Variants in LAMA3 observed in about 807,000 individuals in gnomAD.
LAMA3 encodes the protein laminin subunit alpha-3.
LAMA3 carries 281 observed loss-of-function variants against 402.0 expected under a neutral mutation model. The observed-to-expected ratio is 0.70, with a 90% CI of 0.63 to 0.77. LAMA3 has a LOEUF of 0.77. LAMA3 is among the 30% of genes least tolerant of loss of function. The pLI, the probability that LAMA3 is intolerant of heterozygous loss-of-function variation, is 0.00. For missense variants in LAMA3, 3,840 were observed against 4,215.5 expected (o/e 0.91, Z 2.47); for synonymous variants, 1,431 against 1,558.4 (o/e 0.92, Z 1.93).
Position 23,914,464 on chromosome 18 carries a change from T to C in LAMA3, c.7384T>C (p.Tyr2462His). The C allele has an allele frequency of 1.2e-6, 2 of 1,614,114 alleles. No individual in the cohort carries two copies. Among genetic ancestry groups the C allele is most frequent in the Non-Finnish European group, 1.7e-6 (2 of 1,180,004 alleles). The change falls in exon 57 of 75, where the codon TAC (tyrosine) becomes CAC (histidine). Residue 2462 changes from tyrosine (Y) to histidine (H), a missense_variant. By Grantham distance (83) the Tyr-to-His change is moderately conservative. Coordinates refer to ENST00000313654, the MANE Select transcript of LAMA3 (RefSeq NM_198129.4). ...AVVDGQLTCV[Y>H]NLGDREAELQ... ...TGTGGATGGCCAGCTCACCTGTGTCTACAACCTGGGGGACCGTGAGGCTGA... is the reference window on the plus strand; with the variant it reads ...TGTGGATGGCCAGCTCACCTGTGTCCACAACCTGGGGGACCGTGAGGCTGA...
At chr18:23,924,183 G>A (rs1484713820) in intron 62 of LAMA3, among the ~76,000 whole-genome samples, 1 of 152,028 alleles carries the variant, frequency 6.6e-6, no homozygotes, top group Non-Finnish European at 1.5e-5. Flanking sequence ...CAAGAGTCTT[G>A]CTCTGTCACC....
chr18:23,943,748 G>T, intron 68 of LAMA3, 40 bp from the exon 69 acceptor site: 1 of 1,599,126 alleles, frequency 6.3e-7, no homozygotes, highest in Non-Finnish European at 8.6e-7. Context: ...AAGGAACGCT[G>T]AACACCTCTA....
intron 44 of LAMA3, 102 bp downstream of exon 44, chr18:23,895,160 G>C: frequency 7.5e-7 from 1 of 1,335,092 alleles, no homozygotes; most frequent in Non-Finnish European, 1.0e-6. Context: ...GAAAGGCTCA[G>C]GGGTTGTCCT....
rs1222606393 is a variant in LAMA3 at position 23,879,679 on chromosome 18, TA to T, written c.5113-2253del. On this transcript the variant is annotated intron_variant, in intron 39 of 74. Coordinates refer to ENST00000313654, the MANE Select transcript of LAMA3 (RefSeq NM_198129.4). The surrounding 1 kb of genome is among the most constrained non-coding windows in gnomAD (Gnocchi z 4.2). ...CATTCGTTCATTTATTTATTCACAG[TA>T]AAACACAAGGAACCTGAAGGGAGGT... 2.0e-5 allele frequency among the ~76,000 whole-genome samples: 3 copies of T among 152,188 alleles called. No individual in the cohort carries two copies. Among genetic ancestry groups the T allele is most frequent in the Non-Finnish European group, 2.9e-5 (2 of 68,032 alleles).
chr18:23,935,813 A>G (rs950673081), intron 67 of LAMA3, among the ~76,000 whole-genome samples: 1 of 152,162 alleles, frequency 6.6e-6, no homozygotes, highest in Admixed American at 6.5e-5. Context: ...ATGAAAGGGC[A>G]TAAGATGCTA....
intron 2 of LAMA3, among the ~76,000 whole-genome samples, chr18:23,746,091 G>A (rs777638135): frequency 1.3e-5 from 2 of 152,274 alleles, no homozygotes; most frequent in Non-Finnish European, 2.9e-5. Context: ...GATTTTCAGA[G>A]TACATTATAA....
chr18:23,785,779 C>T (rs1283310503), intron 12 of LAMA3, among the ~76,000 whole-genome samples: 1 of 152,162 alleles, frequency 6.6e-6, no homozygotes, highest in East Asian at 1.9e-4. Flanking sequence ...TTCCTCCTCT[C>T]TACCAGCCAC....
intron 2 of LAMA3, among the ~76,000 whole-genome samples, chr18:23,731,132 C>T (rs2061388162): frequency 2.0e-5 from 3 of 152,180 alleles, no homozygotes; most frequent in African/African-American, 4.8e-5. Flanking sequence ...TGGTTGTTTT[C>T]CCCTTGAGCA....
In LAMA3 at chr18:23,782,425, C is replaced by T. The variant is rs531304102; in HGVS notation, c.1469-1598C>T. On this transcript the variant is annotated intron_variant, in intron 11 of 74. Coordinates refer to ENST00000313654, the MANE Select transcript of LAMA3 (RefSeq NM_198129.4). Reference sequence around the variant, plus strand: ...ACAAAAATTAGTCAGATGTGGCACACGCCTGTAATCCGAGCTACTCGGGAG... The same window carrying T: ...ACAAAAATTAGTCAGATGTGGCACATGCCTGTAATCCGAGCTACTCGGGAG... 5.9e-5 allele frequency among the ~76,000 whole-genome samples: 9 copies of T among 152,136 alleles called. No homozygotes were observed. The East Asian group carries it at 7.7e-4, about 13-fold the overall frequency.
At chr18:23,722,755 G>A (rs1015227539) in intron 2 of LAMA3, among the ~76,000 whole-genome samples, 2 of 152,322 alleles carry the variant, frequency 1.3e-5, no homozygotes, top group African/African-American at 4.8e-5. Flanking sequence ...CTTCTGGAAT[G>A]TTCTCTCAGT....
Position 23,916,553 on chromosome 18 carries a change from G to A in LAMA3, c.7781G>A (p.Arg2594Lys). 3 of 1,614,072 alleles carry A rather than the reference G, an allele frequency of 1.9e-6. No individual in the cohort carries two copies. The highest frequency in any genetic ancestry group is 2.5e-6 in the Non-Finnish European group (3 of 1,179,942). ...NTTEVEPCRR[R>K]KEESDKNYFE... ...TTTATGATGATTAATGTTGACAGGA[G>A]GAAGGAAGAGTCAGACAAAAATTAT... The change falls in exon 60 of 75, where the codon AGG becomes AAG. Residue 2594 changes from arginine to lysine, a missense_variant and splice_region_variant. Transcript: ENST00000313654.
At chr18:23,805,504 C>CA (rs2062946249) in intron 12 of LAMA3, among the ~76,000 whole-genome samples, 1 of 152,146 alleles carries the variant, frequency 6.6e-6, no homozygotes, top group Non-Finnish European at 1.5e-5. Context: ...GTCAGGGAAC[C>CA]AATGTGAAGA....
intron 69 of LAMA3, among the ~76,000 whole-genome samples, chr18:23,944,925 G>C (rs1465519767): frequency 1.3e-5 from 2 of 152,198 alleles, no homozygotes; most frequent in African/African-American, 4.8e-5. Flanking sequence ...ACAAGGTCAG[G>C]AGTTCGAGAC....
In LAMA3 at chr18:23,954,854, T is replaced by G. The variant is rs984787434; in HGVS notation, c.*206T>G. On this transcript the variant is annotated 3_prime_UTR_variant, in exon 75 of 75. Coordinates refer to ENST00000313654, the MANE Select transcript of LAMA3 (RefSeq NM_198129.4). ...TATTTTATATAAAAATCCCATTTCT[T>G]GAAGATAAAAAAATTGTTATTCAAA... 31 of 584,300 alleles carry G rather than the reference T, an allele frequency of 5.3e-5. 1 individual carries two copies. The highest frequency in any genetic ancestry group is 4.3e-4 in the African/African-American group (23 of 53,604). The allele number at this position is 584,300 out of a possible 1,614,324, so 36.2% of individuals were successfully genotyped here.
chr18:23,823,799 CTTTG>C (rs754941226), intron 20 of LAMA3, among the ~76,000 whole-genome samples: 2 of 152,220 alleles, frequency 1.3e-5, no homozygotes, highest in Non-Finnish European at 2.9e-5. Context: ...AAGGTCCTCT[CTTTG>C]TTTAATGCAG....
chr18:23,904,102 C>T lies in LAMA3; in HGVS notation c.6473+15C>T. The T allele has an allele frequency of 1.2e-6, 2 of 1,612,978 alleles. No homozygotes were observed. Among genetic ancestry groups the T allele is most frequent in the Non-Finnish European group, 1.7e-6 (2 of 1,179,896 alleles). On this transcript the variant is annotated intron_variant, in intron 50 of 74. Coordinates refer to ENST00000313654, the MANE Select transcript of LAMA3 (RefSeq NM_198129.4). ...CAGCTGGAAGAGTGAGTGCATGGCC[C>T]AGGAGACCAGAAGGGCACGTGGGCT... is the stretch of plus-strand genomic sequence containing the variant.
chr18:23,875,965 G>A (rs2064695733), intron 38 of LAMA3, among the ~76,000 whole-genome samples: 1 of 152,186 alleles, frequency 6.6e-6, no homozygotes, highest in Admixed American at 6.5e-5. Flanking sequence ...GGACATGACA[G>A]GTGGTTGAAA....
chr18:23,822,485 G>T (rs1278257623), intron 20 of LAMA3, 110 bp downstream of exon 20: 1 of 1,205,490 alleles, frequency 8.3e-7, no homozygotes, highest in African/African-American at 1.5e-5. Flanking sequence ...GTCAAGCCTG[G>T]CTCATGGTCT....
chr18:23,915,367 T>C lies in LAMA3; in HGVS notation c.7723T>C (p.Tyr2575His), dbSNP rs377097479. Residue 2575 changes from tyrosine (Y) to histidine (H), a missense_variant, in exon 59 of 75, where the codon TAC (tyrosine) becomes CAC (histidine). Tyr to His is a moderately conservative substitution (Grantham distance 83). Around this residue, in one of 3 missense-constraint regions of LAMA3, gnomAD observed 840 missense variants for 981.9 expected, o/e 0.86. Transcript: ENST00000313654. ...DDLNENVLSL[Y>H]NFKKTFNLNT... is the part of the protein sequence containing the mutation. ...CCTCAATGAAAATGTTCTGAGCTTG[T>C]ACAACTTCAAAAAAACATTCAATCT... 146 of 1,613,628 alleles carry C rather than the reference T, an allele frequency of 9.0e-5. No homozygotes were observed. Among genetic ancestry groups the C allele is most frequent in the Middle Eastern group, 1.6e-4 (1 of 6,068 alleles).
Sources: gnomAD v4.1 joint callset for allele counts (sites outside exome capture counted in the v4.1 genomes callset) on GRCh38, gnomAD v4.1.1 for gene constraint, gnomAD v4.1.1 regional missense constraint, Gnocchi (gnomAD v3.1) non-coding constraint, MANE v1.5 for transcripts, NCBI Gene and HGNC (gene_info 2026-07-23, HGNC 2026-07-21) for gene names.